Variants in PEG3 observed in about 807,000 individuals in gnomAD.
The protein encoded by PEG3 is paternally-expressed gene 3 protein.
In PEG3, 23 loss-of-function variants were observed where a neutral mutation model predicts 35.5. That is an observed-to-expected ratio of 0.65 (90% CI 0.47 to 0.92). PEG3 has a LOEUF of 0.92. Ranked by LOEUF, PEG3 falls within the 40% of genes least tolerant of loss-of-function variation. The pLI, the probability that PEG3 is intolerant of heterozygous loss-of-function variation, is 0.00. For synonymous variants in PEG3, 707 were observed against 697.0 expected, an observed-to-expected ratio of 1.01 and a Z score of -0.23; for missense variants, 1,960 against 1,985.3, an observed-to-expected ratio of 0.99 and a Z score of 0.24.
Position 56,816,092 on chromosome 19 carries a change from AG to A in PEG3, c.2349del (p.Ser784LeufsTer10). On this transcript the variant is annotated frameshift_variant, in exon 10 of 10. Transcript: ENST00000326441. LOFTEE classifies it low-confidence loss of function (END_TRUNC). ...CTGTGACTTTTCTGAGCTTCCACAG[AG>A]GCTAAGCTATGAATAACAGACCTCT... ...SYERSVIHSL[A>X]SVEAQKSHSV... 1 of 1,605,380 alleles carries A rather than the reference AG, an allele frequency of 6.2e-7. No individual in the cohort carries two copies. The highest frequency in any genetic ancestry group is 8.5e-7 in the Non-Finnish European group (1 of 1,175,154).
Position 56,812,113 on chromosome 19 carries a change from CTTTT to C in PEG3, c.*1558_*1561del, listed in dbSNP as rs752513979. On this transcript the variant is annotated 3_prime_UTR_variant, in exon 10 of 10. Transcript: ENST00000326441. ...TGATCTACACTTACATTTTGCAAAT[CTTTT>C]TTTTTAAATTTTTTAAATTTTATAT... The C allele has an allele frequency of 1.7e-5, 16 of 969,000 alleles. No homozygotes were observed. Among genetic ancestry groups the C allele is most frequent in the Non-Finnish European group, 2.0e-5 (16 of 815,666 alleles). 60.0% of individuals were successfully genotyped at this position (969,000 alleles called of 1,614,324 possible).
rs746965257 is a variant in PEG3, at chr19:56,815,326, A to T, written c.3116T>A (p.Phe1039Tyr). The T allele has an allele frequency of 1.9e-6, 3 of 1,614,048 alleles. No homozygotes were observed. In the Admixed American group the frequency reaches 5.0e-5, roughly 27 times the overall value. Residue 1039 changes from phenylalanine to tyrosine, a missense_variant, in exon 10 of 10, where the codon TTT (phenylalanine) becomes TAT (tyrosine). Physicochemically the swap from Phe to Tyr is conservative, Grantham distance 22. This residue lies in a region of PEG3 where 798 missense variants were observed against 782.4 expected (regional missense o/e 1.02). Coordinates refer to ENST00000326441, the MANE Select transcript of PEG3 (RefSeq NM_006210.3). ...GTTGAGGTCTTCGCTGGTAGCAAAAAATTGTCTGAAGTCCTTACATTTGTT... is the reference window on the plus strand; with the variant it reads ...GTTGAGGTCTTCGCTGGTAGCAAAATATTGTCTGAAGTCCTTACATTTGTT... ...ARNKCKDFRQFFATSEDLNTN... is the reference protein window; with the variant it reads ...ARNKCKDFRQYFATSEDLNTN...
At chr19:56,838,172 C>G (rs2062414145) in intron 1 of PEG3, among the ~76,000 whole-genome samples, 1 of 152,224 alleles carries the variant, frequency 6.6e-6, no homozygotes, top group Non-Finnish European at 1.5e-5. Flanking sequence ...GCCCTACAGC[C>G]AACCCAGCAG....
rs1015676237 is a variant in PEG3 at position 56,812,830 on chromosome 19, A to AC, written c.*844_*845insG. On this transcript the variant is annotated 3_prime_UTR_variant, in exon 10 of 10. Transcript: ENST00000326441. The stretch of plus-strand genomic sequence containing the variant: ...ATATTGAGTTGGTTAAAAAAAAAAA[A>AC]AACCCAGAACACAAATGTGTAATAT... 1.2e-4 allele frequency: 115 copies of AC among 985,168 alleles called. No individual in the cohort carries two copies. Among genetic ancestry groups the AC allele is most frequent in the East Asian group, 8.0e-4 (7 of 8,786 alleles). The allele number at this position is 985,168 out of a possible 1,614,324, so 61.0% of individuals were successfully genotyped here.
chr19:56,822,608 C>T (rs768582767), intron 6 of PEG3, 145 bp downstream of exon 6: 26 of 1,106,530 alleles, frequency 2.3e-5, no homozygotes, highest in Non-Finnish European at 2.8e-5. Context: ...TTCAAAAATA[C>T]GAGCCTTGGA....
At chr19:56,831,276 T>C (rs534955446) in intron 2 of PEG3, among the ~76,000 whole-genome samples, 42 of 152,354 alleles carry the variant, frequency 2.8e-4, no homozygotes, top group Non-Finnish European at 3.5e-4. Context: ...TAAAAGTCTA[T>C]AGACACATGG....
intron 5 of PEG3, 40 bp downstream of exon 5, chr19:56,823,553 G>T: frequency 6.2e-7 from 1 of 1,611,890 alleles, no homozygotes; most frequent in Non-Finnish European, 8.5e-7. Context: ...ATCTGGCAGC[G>T]CCTGCCCATG....
chr19:56,825,236 C>T (rs2060906128), intron 3 of PEG3, among the ~76,000 whole-genome samples: 1 of 152,206 alleles, frequency 6.6e-6, no homozygotes, highest in Admixed American at 6.5e-5. Flanking sequence ...CTTCCCTTAA[C>T]ACAATTATTA....
chr19:56,816,123 T>A lies in PEG3; in HGVS notation c.2319A>T (p.Ser773=), dbSNP rs544059507. 2.5e-6 allele frequency: 4 copies of A among 1,613,268 alleles called. No homozygotes were observed. In the African/African-American group the frequency reaches 4.0e-5, roughly 16 times the overall value. ...AGCTATGAATAACAGACCTCTCATA[T>A]GATTTTGCCTCATAGACATTTTCCT... The part of the protein sequence containing the change: ...PTKENVYEAK[S]YERSVIHSLA... Residue 773 remains serine, a synonymous_variant, in exon 10 of 10, where the codon TCA becomes TCT. Transcript: ENST00000326441.
At position 56,823,610 on chromosome 19, in the gene PEG3, T is replaced by A. The variant is rs748217139; in HGVS notation, c.464A>T (p.His155Leu). The A allele has an allele frequency of 6.2e-7, 1 of 1,613,984 alleles. No homozygotes were observed. The highest frequency in any genetic ancestry group is 8.5e-7 in the Non-Finnish European group (1 of 1,179,980). ...CTCACCACTGAAAGAATGGACTGAG[T>A]GAGGTGGTGAGGACTCTCTTCTGTT... Reference protein sequence around the residue: ...TRNRRESSPPHSVHSFSDRDW... With the variant: ...TRNRRESSPPLSVHSFSDRDW... Residue 155 changes from histidine (H) to leucine (L), a missense_variant, in exon 5 of 10, where the codon CAC becomes CTC. Around this residue, in one of 5 missense-constraint regions of PEG3, gnomAD observed 613 missense variants for 577.1 expected, o/e 1.06. Coordinates refer to ENST00000326441, the MANE Select transcript of PEG3 (RefSeq NM_006210.3).
chr19:56,818,834 T>A, intron 7 of PEG3, 132 bp from the exon 8 acceptor site: 1 of 1,032,704 alleles, frequency 9.7e-7, no homozygotes, highest in Non-Finnish European at 1.4e-6. Context: ...GGGTTCTGAG[T>A]GATCCAAGTC....
In PEG3 at chr19:56,836,120, A is replaced by G; in HGVS notation, c.-249-16T>C. 8.7e-6 allele frequency: 4 copies of G among 461,600 alleles called. No individual in the cohort carries two copies. Among genetic ancestry groups the G allele is most frequent in the South Asian group, 6.2e-5 (4 of 64,840 alleles). The allele number at this position is 461,600 out of a possible 1,614,324, so 28.6% of individuals were successfully genotyped here. ...GAAGGCAAAGCTGTAGAGGAAAAGA[A>G]AATGTGAGACGCCAAGTTTATTTTG... On this transcript the variant is annotated splice_polypyrimidine_tract_variant and intron_variant, in intron 1 of 9. Transcript: ENST00000326441.
chr19:56,839,249 T>TC (rs1295772816), intron 1 of PEG3, among the ~76,000 whole-genome samples: 2 of 96,776 alleles, frequency 2.1e-5, no homozygotes, highest in African/African-American at 8.1e-5. Flanking sequence ...CGCAGCAAAC[T>TC]CCAGCAGCCC....
intron 7 of PEG3, among the ~76,000 whole-genome samples, chr19:56,820,327 T>C (rs1462132759): frequency 6.6e-6 from 1 of 152,258 alleles, no homozygotes; most frequent in Non-Finnish European, 1.5e-5. Context: ...TTGCTGCTGG[T>C]GTTACCACCA....
At chr19:56,823,077 T>C (rs1261771956) in intron 5 of PEG3, among the ~76,000 whole-genome samples, 1 of 152,194 alleles carries the variant, frequency 6.6e-6, no homozygotes. Flanking sequence ...CAAAGCTCAG[T>C]CCAGTAGCTA....
At position 56,824,597 on chromosome 19, in the gene PEG3, AG is replaced by A; in HGVS notation, c.58del (p.Leu20CysfsTer4). On this transcript the variant is annotated frameshift_variant, in exon 4 of 10. Transcript: ENST00000326441. LOFTEE classifies it high-confidence loss of function. ...TKPKKSWAPN[L>X]YELDSDLTKE... Reference sequence around the variant, plus strand: ...AGTCAAGTCACTGTCTAGCTCATACAGATTTGGGGCCCAGGACTTCTTAGGT... The same window carrying A: ...AGTCAAGTCACTGTCTAGCTCATACAATTTGGGGCCCAGGACTTCTTAGGT... 6.2e-7 allele frequency: 1 copy of A among 1,613,354 alleles called. No individual in the cohort carries two copies. Among genetic ancestry groups the A allele is most frequent in the Non-Finnish European group, 8.5e-7 (1 of 1,179,368 alleles).
rs201826016 is a variant in PEG3, at chr19:56,824,633, G to A, written c.23C>T (p.Ser8Phe). 150 of 1,604,058 alleles carry A rather than the reference G, an allele frequency of 9.4e-5. No individual in the cohort carries two copies. The highest frequency in any genetic ancestry group is 5.0e-4 in the Middle Eastern group (3 of 6,032). The part of the protein sequence containing the change: MLPPKHL[S>F]ATKPKKSWAP... Reference sequence around the variant, plus strand: ...CCAGGACTTCTTAGGTTTGGTGGCAGACAAGTGCTTTGGAGGCAGCATTTC... The same window carrying A: ...CCAGGACTTCTTAGGTTTGGTGGCAAACAAGTGCTTTGGAGGCAGCATTTC... Residue 8 changes from serine to phenylalanine, a missense_variant, in exon 4 of 10, where the codon TCT becomes TTT. Coordinates refer to ENST00000326441, the MANE Select transcript of PEG3 (RefSeq NM_006210.3).
chr19:56,816,632 G>A lies in PEG3; in HGVS notation c.1810C>T (p.Arg604Cys), dbSNP rs376042442. The change falls in exon 10 of 10, where the codon CGC (arginine) becomes TGC (cysteine). Residue 604 changes from arginine (R) to cysteine (C), a missense_variant. By Grantham distance (180) the Arg-to-Cys change is radical (BLOSUM62 -3). Transcript: ENST00000326441. ...REHERERERE[R>C]GETFRPSPAL... ...GGGCTGGGCCTAAAGGTTTCCCCGC[G>A]CTCACGTTCACGTTCACGTTCATGT... 7.9e-5 allele frequency: 127 copies of A among 1,613,468 alleles called. 1 individual carries two copies. Among genetic ancestry groups the A allele is most frequent in the South Asian group, 4.5e-4 (41 of 91,044 alleles).
At chr19:56,838,047 T>G (rs897131562) in intron 1 of PEG3, among the ~76,000 whole-genome samples, 3 of 152,176 alleles carry the variant, frequency 2.0e-5, no homozygotes, top group African/African-American at 7.2e-5. Flanking sequence ...CAGCTGTCAT[T>G]CAGGATGGCA....
Sources: gnomAD v4.1 joint callset for allele counts (sites outside exome capture counted in the v4.1 genomes callset) on GRCh38, gnomAD v4.1.1 for gene constraint, gnomAD v4.1.1 regional missense constraint, MANE v1.5 for transcripts, NCBI Gene and HGNC (gene_info 2026-07-23, HGNC 2026-07-21) for gene names.